ARHGAP15: variants seen among roughly 807,000 people sequenced by gnomAD.
ARHGAP15 encodes Rho GTPase activating protein 15.
A neutral mutation model predicts 63.7 loss-of-function variants in ARHGAP15; 51 were observed. The ratio of observed to expected loss-of-function variants is 0.80; its 90% CI spans 0.64 to 1.01. ARHGAP15 has a LOEUF of 1.01. Ranked by LOEUF, ARHGAP15 falls within the 50% of genes least tolerant of loss-of-function variation. ARHGAP15 has a pLI of 0.00. For synonymous variants in ARHGAP15, 191 were observed against 193.8 expected (o/e 0.99, Z 0.12); for missense variants, 560 against 564.6 (o/e 0.99, Z 0.08).
At chr2:143,258,123 T>C (rs573737319) in intron 6 of ARHGAP15, among the ~76,000 whole-genome samples, 1 of 152,150 alleles carries the variant, frequency 6.6e-6, no homozygotes, top group African/African-American at 2.4e-5. Flanking sequence ...TCCATAAGGA[T>C]GACACAGGAT....
At chr2:143,461,985 TC>T (rs1690964988) in intron 8 of ARHGAP15, among the ~76,000 whole-genome samples, 1 of 151,962 alleles carries the variant, frequency 6.6e-6, no homozygotes, top group South Asian at 2.1e-4. Context: ...AAACCCCATC[TC>T]TACAAAAAAT....
rs182792934 is a variant in ARHGAP15, at chr2:143,212,623, G to A, written c.235-3761G>A. ...AATTACTGGAGACAAGACCATCTGA[G>A]CTCTAGATGACTAGCACGCTCAACT... On this transcript the variant is annotated intron_variant, in intron 3 of 13. Coordinates refer to ENST00000295095, the MANE Select transcript of ARHGAP15 (RefSeq NM_018460.4). Among the ~76,000 whole-genome samples, 174 of 152,230 alleles carry A rather than the reference G, an allele frequency of 1.1e-3. 4 individuals carry two copies. Among genetic ancestry groups the A allele is most frequent in the Admixed American group, 0.011 (172 of 15,280 alleles).
At chr2:143,309,226 A>G (rs928979857) in intron 6 of ARHGAP15, among the ~76,000 whole-genome samples, 3 of 152,136 alleles carry the variant, frequency 2.0e-5, no homozygotes, top group Admixed American at 6.6e-5. Context: ...CAAAGAGCCT[A>G]GTCAAAGCAA....
chr2:143,279,696 C>T (rs1191681389), intron 6 of ARHGAP15, among the ~76,000 whole-genome samples: 1 of 152,152 alleles, frequency 6.6e-6, no homozygotes, highest in East Asian at 1.9e-4. Flanking sequence ...AACCTATGAT[C>T]CACTTTACAG....
intron 6 of ARHGAP15, among the ~76,000 whole-genome samples, chr2:143,306,631 C>G (rs1025274494): frequency 2.0e-5 from 3 of 152,112 alleles, no homozygotes; most frequent in Non-Finnish European, 4.4e-5. Flanking sequence ...TATAACTAGT[C>G]TGAAGACCAT....
chr2:143,691,184 G>A (rs147754554), intron 12 of ARHGAP15, among the ~76,000 whole-genome samples: 1 of 152,272 alleles, frequency 6.6e-6, no homozygotes, highest in African/African-American at 2.4e-5. Context: ...GTATGGCACT[G>A]TTAGGAGGAA....
intron 6 of ARHGAP15, among the ~76,000 whole-genome samples, chr2:143,333,407 C>T (rs563784348): frequency 5.3e-5 from 8 of 152,224 alleles, no homozygotes; most frequent in East Asian, 3.9e-4. Context: ...CCTTCTTGTC[C>T]GAGTTGCAGT....
intron 5 of ARHGAP15, among the ~76,000 whole-genome samples, chr2:143,245,439 C>T (rs1694013333): frequency 6.6e-6 from 1 of 152,004 alleles, no homozygotes; most frequent in Non-Finnish European, 1.5e-5. Flanking sequence ...ATGGTTAAGA[C>T]ATTTTAGAAA....
At chr2:143,437,428 TAAGTC>T (rs1689663403) in intron 8 of ARHGAP15, 1 of 165,344 alleles carries the variant, frequency 6.0e-6, no homozygotes, top group Non-Finnish European at 1.3e-5. Context: ...TGGTCTAACT[TAAGTC>T]AACAGGCTAT....
Position 143,410,999 on chromosome 2 carries a change from T to A in ARHGAP15, c.475-24602T>A, listed in dbSNP as rs116766619. Among the ~76,000 whole-genome samples the A allele has an allele frequency of 4.3e-3, 652 of 151,864 alleles. 2 individuals are homozygous for A. Among genetic ancestry groups the A allele is most frequent in the African/African-American group, 0.015 (617 of 41,406 alleles). On this transcript the variant is annotated intron_variant, in intron 6 of 13. Transcript: ENST00000295095. Reference sequence around the variant, plus strand: ...CAGACGGATCACCTGAGGTCAGGAGTTCACGAACCAGCCTGACCAACATGG... The same window carrying A: ...CAGACGGATCACCTGAGGTCAGGAGATCACGAACCAGCCTGACCAACATGG...
chr2:143,714,108 C>G (rs1185275435), intron 13 of ARHGAP15, among the ~76,000 whole-genome samples: 1 of 152,192 alleles, frequency 6.6e-6, no homozygotes, highest in Non-Finnish European at 1.5e-5. Flanking sequence ...CCATGAGGAC[C>G]CTGCCCCTGC....
chr2:143,370,365 G>A (rs1443754502), intron 6 of ARHGAP15, among the ~76,000 whole-genome samples: 1 of 152,074 alleles, frequency 6.6e-6, no homozygotes, highest in Non-Finnish European at 1.5e-5. Flanking sequence ...GGGGAAGGGG[G>A]GAGGGATAGC....
chr2:143,582,804 A>C (rs946519957), intron 11 of ARHGAP15, among the ~76,000 whole-genome samples: 1 of 152,210 alleles, frequency 6.6e-6, no homozygotes, highest in African/African-American at 2.4e-5. Flanking sequence ...AACACTTCTC[A>C]TACCAGCTTG....
At chr2:143,640,404 G>C (rs566439102) in intron 12 of ARHGAP15, among the ~76,000 whole-genome samples, 1 of 152,054 alleles carries the variant, frequency 6.6e-6, no homozygotes, top group Non-Finnish European at 1.5e-5. Context: ...CTCTCCAAAT[G>C]TTCCTATCTG....
chr2:143,376,343 G>T (rs954401281), intron 6 of ARHGAP15, among the ~76,000 whole-genome samples: 6 of 152,042 alleles, frequency 3.9e-5, no homozygotes, highest in African/African-American at 1.2e-4. Context: ...ACCTTCAATT[G>T]TTTATAGCCT....
intron 6 of ARHGAP15, among the ~76,000 whole-genome samples, chr2:143,288,131 T>C (rs1682203163): frequency 1.3e-5 from 2 of 152,158 alleles, no homozygotes; most frequent in Admixed American, 1.3e-4. Flanking sequence ...TGGGAAAAAG[T>C]GCCATGTGAT....
At chr2:143,580,004 T>G (rs532033760) in intron 11 of ARHGAP15, among the ~76,000 whole-genome samples, 1 of 145,930 alleles carries the variant, frequency 6.9e-6, no homozygotes, top group Non-Finnish European at 1.5e-5. Context: ...AAACATTTGT[T>G]TTATTAAGAA....
At chr2:143,273,182 A>T (rs1235013905) in intron 6 of ARHGAP15, among the ~76,000 whole-genome samples, 1 of 152,160 alleles carries the variant, frequency 6.6e-6, no homozygotes. Flanking sequence ...ATTTCTGCTT[A>T]AAATATTGCT....
intron 10 of ARHGAP15, among the ~76,000 whole-genome samples, chr2:143,549,845 A>G (rs1223900825): frequency 6.6e-6 from 1 of 152,010 alleles, no homozygotes; most frequent in Non-Finnish European, 1.5e-5. Context: ...CCTATTGTCT[A>G]CTCACCACCC....
Sources: allele counts gnomAD v4.1 joint callset (sites outside exome capture counted in the v4.1 genomes callset), GRCh38; gene constraint gnomAD v4.1.1; transcripts MANE v1.5; gene names NCBI Gene and HGNC (gene_info 2026-07-23, HGNC 2026-07-21).